Variants in XKR9 observed in about 807,000 individuals in gnomAD.
XKR9 encodes the protein XK related 9, also known as XK-related protein 9.
In XKR9, 32 loss-of-function variants were observed where a neutral mutation model predicts 32.0. That is an observed-to-expected ratio of 1.00 (90% CI 0.76 to 1.34). XKR9 has a LOEUF of 1.34. Ranked by LOEUF, XKR9 falls within the 40% of genes most tolerant of loss-of-function variation. The pLI, the probability that XKR9 is intolerant of heterozygous loss-of-function variation, is 0.00. For missense variants in XKR9, 546 were observed against 429.7 expected, an observed-to-expected ratio of 1.27 and a Z score of -2.39; for synonymous variants, 168 against 143.4, an observed-to-expected ratio of 1.17 and a Z score of -1.22.
chr8:70,776,031 C>A (rs1807515487), intron 2 of XKR9, among the ~76,000 whole-genome samples: 2 of 152,126 alleles, frequency 1.3e-5, no homozygotes, highest in African/African-American at 4.8e-5. Context: ...CAGGCATAAG[C>A]CACTGCCCCC....
At chr8:70,933,832 G>C in the XKR9 span, among the ~76,000 whole-genome samples, 1 of 152,030 alleles carries the variant, frequency 6.6e-6, no homozygotes, top group African/African-American at 2.4e-5. Context: ...GCATATTGCT[G>C]TCATCAGTAT....
intron 4 of XKR9, among the ~76,000 whole-genome samples, chr8:70,729,763 C>T (rs923056241): frequency 6.6e-5 from 10 of 152,062 alleles, no homozygotes; most frequent in African/African-American, 2.2e-4. Context: ...AGGAGTGTCA[C>T]ATAATTTTGG....
chr8:70,721,337 C>T (rs1331920651), intron 4 of XKR9, among the ~76,000 whole-genome samples: 1 of 152,078 alleles, frequency 6.6e-6, no homozygotes, highest in Non-Finnish European at 1.5e-5. Context: ...TTCTTGTCTT[C>T]TGCTAGCTTT....
At chr8:70,918,645 A>C in the XKR9 span, among the ~76,000 whole-genome samples, 3 of 151,886 alleles carry the variant, frequency 2.0e-5, no homozygotes, top group East Asian at 5.8e-4. Context: ...CTGAGCTGAG[A>C]TCATGCCACT....
downstream of XKR9, among the ~76,000 whole-genome samples, chr8:70,793,590 C>T (rs1807792702): frequency 6.6e-6 from 1 of 152,066 alleles, no homozygotes; most frequent in Admixed American, 6.6e-5. Context: ...ATAAATTACC[C>T]AGTTTCAGGT....
the XKR9 span, among the ~76,000 whole-genome samples, chr8:70,887,161 A>T: frequency 6.6e-6 from 1 of 152,162 alleles, no homozygotes; most frequent in Non-Finnish European, 1.5e-5. Flanking sequence ...TTTTCTCAGC[A>T]CTATTTGTTA....
intron 2 of XKR9, among the ~76,000 whole-genome samples, chr8:70,742,789 T>C (rs1807006763): frequency 1.3e-5 from 2 of 152,174 alleles, no homozygotes; most frequent in Admixed American, 6.5e-5. Context: ...ATTATTCCCC[T>C]GTGTGTAATT....
At chr8:70,981,394 G>A in the XKR9 span, among the ~76,000 whole-genome samples, 1 of 151,980 alleles carries the variant, frequency 6.6e-6, no homozygotes, top group Admixed American at 6.6e-5. Context: ...TTGTCTTCAA[G>A]CTCTGAAATT....
At chr8:70,837,729 G>T in the XKR9 span, among the ~76,000 whole-genome samples, 8 of 152,060 alleles carry the variant, frequency 5.3e-5, no homozygotes, top group Non-Finnish European at 7.4e-5. Flanking sequence ...GTTACTCTTG[G>T]ATTTCACTGG....
At chr8:70,878,594 A>G in the XKR9 span, among the ~76,000 whole-genome samples, 1 of 152,246 alleles carries the variant, frequency 6.6e-6, no homozygotes, top group African/African-American at 2.4e-5. Flanking sequence ...CAATTCAACA[A>G]GAAGAGCTAA....
chr8:70,900,668 T>A, the XKR9 span, among the ~76,000 whole-genome samples: 10 of 152,202 alleles, frequency 6.6e-5, no homozygotes, highest in South Asian at 2.1e-4. Flanking sequence ...TATCCTTTTT[T>A]AAATTATTAT....
At chr8:70,999,110 T>C in the XKR9 span, among the ~76,000 whole-genome samples, 1 of 152,198 alleles carries the variant, frequency 6.6e-6, no homozygotes. Flanking sequence ...AATGCCTAAA[T>C]GTTAGTGGGA....
At chr8:70,759,742 C>T (rs1807282686) in intron 2 of XKR9, among the ~76,000 whole-genome samples, 1 of 152,208 alleles carries the variant, frequency 6.6e-6, no homozygotes, top group Admixed American at 6.5e-5. Context: ...ACCTGATGGA[C>T]CACAAAGTAC....
chr8:70,943,592 G>A, the XKR9 span, among the ~76,000 whole-genome samples: 1 of 151,936 alleles, frequency 6.6e-6, no homozygotes, highest in Non-Finnish European at 1.5e-5. Context: ...TCCTTTAAGT[G>A]ACAATGCAAG....
the XKR9 span, among the ~76,000 whole-genome samples, chr8:70,984,025 G>A: frequency 3.9e-5 from 6 of 152,080 alleles, no homozygotes; most frequent in Non-Finnish European, 7.4e-5. Context: ...TGGTATGCAA[G>A]AAACATCACC....
rs770786913 is a variant in XKR9 at position 70,734,451 on chromosome 8, T to G, written c.*27T>G. 6.8e-7 allele frequency: 1 copy of G among 1,469,260 alleles called. No individual in the cohort carries two copies. The highest frequency in any genetic ancestry group is 8.9e-7 in the Non-Finnish European group (1 of 1,121,180). 91.0% of individuals were successfully genotyped at this position (1,469,260 alleles called of 1,614,324 possible). On this transcript the variant is annotated 3_prime_UTR_variant, in exon 5 of 5. Coordinates refer to ENST00000408926, the MANE Select transcript of XKR9 (RefSeq NM_001011720.2). ...CTATTCATTTATGATATATATTTTCTTATATTTTGTTTCATTGGTTAGTAA... is the reference window on the plus strand; with the variant it reads ...CTATTCATTTATGATATATATTTTCGTATATTTTGTTTCATTGGTTAGTAA...
At chr8:70,818,434 G>T in the XKR9 span, among the ~76,000 whole-genome samples, 1 of 151,910 alleles carries the variant, frequency 6.6e-6, no homozygotes, top group Non-Finnish European at 1.5e-5. Flanking sequence ...CTTTTGCTTA[G>T]ATTCTAAACT....
At chr8:70,905,518 G>A in the XKR9 span, among the ~76,000 whole-genome samples, 18 of 152,044 alleles carry the variant, frequency 1.2e-4, no homozygotes, top group African/African-American at 3.6e-4. Context: ...TTAGCCATTC[G>A]TCTAATCTTT....
At chr8:70,894,336 C>T in the XKR9 span, among the ~76,000 whole-genome samples, 1 of 151,960 alleles carries the variant, frequency 6.6e-6, no homozygotes, top group Non-Finnish European at 1.5e-5. Context: ...GCTCCACTTC[C>T]CAAGTAGAGG....
Sources: gnomAD v4.1 joint callset for allele counts (sites outside exome capture counted in the v4.1 genomes callset) on GRCh38, gnomAD v4.1.1 for gene constraint, MANE v1.5 for transcripts, NCBI Gene and HGNC (gene_info 2026-07-23, HGNC 2026-07-21) for gene names.